Variants in COL23A1 observed in about 807,000 individuals in gnomAD.
The protein encoded by COL23A1 is collagen type XXIII alpha 1 chain.
Under a neutral mutation model 99.3 loss-of-function variants are expected in COL23A1, and 97 were observed. The observed-to-expected ratio is 0.98, with a 90% CI of 0.83 to 1.16. The LOEUF (loss-of-function observed/expected upper bound fraction) is 1.16, where lower values mean the gene tolerates loss of function less well. Ranked by LOEUF, COL23A1 falls within the 50% of genes most tolerant of loss-of-function variation. COL23A1 has a pLI of 0.00. For missense variants in COL23A1, 762 were observed against 757.4 expected, an observed-to-expected ratio of 1.01 and a Z score of -0.07; for synonymous variants, 320 against 308.2, an observed-to-expected ratio of 1.04 and a Z score of -0.40.
intron 3 of COL23A1, among the ~76,000 whole-genome samples, chr5:178,295,654 T>C (rs982791973): frequency 6.6e-6 from 1 of 152,226 alleles, no homozygotes; most frequent in Non-Finnish European, 1.5e-5. Flanking sequence ...TTAACACATA[T>C]GTAAAAGGAT....
chr5:178,354,676 C>A (rs1274142717), intron 2 of COL23A1, among the ~76,000 whole-genome samples: 3 of 152,164 alleles, frequency 2.0e-5, no homozygotes, highest in African/African-American at 7.2e-5. Flanking sequence ...CACCATCCAC[C>A]ATGATTGTAA....
intron 2 of COL23A1, among the ~76,000 whole-genome samples, chr5:178,418,623 C>T (rs147855614): frequency 7.2e-5 from 11 of 152,364 alleles, no homozygotes; most frequent in Non-Finnish European, 1.3e-4. Context: ...AGCCCTTTCA[C>T]CAGCCTCCCA....
rs537792633 is a variant in COL23A1, at chr5:178,358,508, T to C, written c.362-51589A>G. ...ATATGTGTGTGTATGCGTGTATATG[T>C]GTGTATGTGTGTATGTATGTCTAGT... On this transcript the variant is annotated intron_variant, in intron 2 of 28. Transcript: ENST00000390654. Among the ~76,000 whole-genome samples, 172 of 147,126 alleles carry C rather than the reference T, an allele frequency of 1.2e-3. 1 individual carries two copies. Among genetic ancestry groups the C allele is most frequent in the African/African-American group, 4.2e-3 (165 of 39,200 alleles).
chr5:178,405,970 G>A (rs1764742932), intron 2 of COL23A1, among the ~76,000 whole-genome samples: 1 of 152,170 alleles, frequency 6.6e-6, no homozygotes, highest in East Asian at 1.9e-4. Flanking sequence ...AGGCATGGTG[G>A]CATGCAACTG....
chr5:178,519,480 C>T (rs962122166), intron 2 of COL23A1, among the ~76,000 whole-genome samples: 3 of 152,272 alleles, frequency 2.0e-5, no homozygotes, highest in African/African-American at 7.2e-5. Flanking sequence ...CACAATGCCA[C>T]ACAATTCTGA....
chr5:178,527,175 G>A (rs923369154), intron 2 of COL23A1, among the ~76,000 whole-genome samples: 4 of 149,968 alleles, frequency 2.7e-5, no homozygotes, highest in East Asian at 1.9e-4. Context: ...GCAGCAAGGC[G>A]GGGGGCCCTC....
chr5:178,346,741 T>C (rs1020781144), intron 2 of COL23A1, among the ~76,000 whole-genome samples: 1 of 152,186 alleles, frequency 6.6e-6, no homozygotes, highest in African/African-American at 2.4e-5. Context: ...GAAAAGATCA[T>C]GTGTCCCAAG....
intron 2 of COL23A1, among the ~76,000 whole-genome samples, chr5:178,523,179 CACAT>C (rs1562051617): frequency 9.4e-5 from 5 of 53,082 alleles, no homozygotes; most frequent in Non-Finnish European, 2.0e-4. Context: ...TATATATATA[CACAT>C]ATATATATAT....
At chr5:178,394,091 C>A (rs1010112889) in intron 2 of COL23A1, among the ~76,000 whole-genome samples, 2 of 152,144 alleles carry the variant, frequency 1.3e-5, no homozygotes, top group African/African-American at 4.8e-5. Flanking sequence ...GAGCGAAAGA[C>A]CTGGGAGGGC....
intron 2 of COL23A1, among the ~76,000 whole-genome samples, chr5:178,543,325 G>A (rs1271886809): frequency 1.3e-5 from 2 of 152,088 alleles, no homozygotes; most frequent in South Asian, 2.1e-4. Flanking sequence ...CAGGCTGGTC[G>A]TCAACTCCCA....
At chr5:178,584,594 A>G (rs1191123513) in intron 1 of COL23A1, among the ~76,000 whole-genome samples, 1 of 152,160 alleles carries the variant, frequency 6.6e-6, no homozygotes, top group African/African-American at 2.4e-5. Flanking sequence ...GAAAGGTTGA[A>G]GCTAATGGGT....
chr5:178,485,779 C>CAA (rs528117830), intron 2 of COL23A1, among the ~76,000 whole-genome samples: 2,639 of 99,154 alleles, frequency 0.027, 189 homozygotes, highest in African/African-American at 0.086. Context: ...GACTCCATCT[C>CAA]AAAAAAAAAA....
intron 2 of COL23A1, among the ~76,000 whole-genome samples, chr5:178,381,419 G>C (rs1763375293): frequency 6.6e-6 from 1 of 152,232 alleles, no homozygotes; most frequent in African/African-American, 2.4e-5. Context: ...GTGTGTCCAT[G>C]CCAGCAGGAC....
chr5:178,270,311 C>A, intron 6 of COL23A1, 26 bp downstream of exon 6: 4 of 1,613,668 alleles, frequency 2.5e-6, no homozygotes, highest in Non-Finnish European at 3.4e-6. Context: ...CCCAGGACCC[C>A]CTGGAATTGC....
intron 2 of COL23A1, among the ~76,000 whole-genome samples, chr5:178,462,347 G>A (rs183320732): frequency 5.1e-4 from 77 of 152,278 alleles, no homozygotes; most frequent in Non-Finnish European, 9.8e-4. Context: ...TGTCACTGAT[G>A]TAACTTATAG....
Position 178,509,501 on chromosome 5 carries a change from G to A in COL23A1, c.361+51181C>T, listed in dbSNP as rs186083197. 1.6e-3 allele frequency among the ~76,000 whole-genome samples: 250 copies of A among 152,216 alleles called. 1 individual carries two copies. Among genetic ancestry groups the A allele is most frequent in the African/African-American group, 5.3e-3 (220 of 41,524 alleles). On this transcript the variant is annotated intron_variant, in intron 2 of 28. Transcript: ENST00000390654. ...CTCCCAAAGTGCTGGGATTACAGGC[G>A]TGAGCCACCGTGCCCGGCCAGAACC...
intron 13 of COL23A1, among the ~76,000 whole-genome samples, chr5:178,257,138 G>C (rs1263786053): frequency 6.6e-6 from 1 of 152,196 alleles, no homozygotes; most frequent in Non-Finnish European, 1.5e-5. Flanking sequence ...TCTGGTGTGG[G>C]CCTTGGCACT....
Position 178,389,550 on chromosome 5 carries a change from A to G in COL23A1, c.362-82631T>C, listed in dbSNP as rs1284827692. The stretch of plus-strand genomic sequence containing the variant: ...TCATCCCTCCTCACAGAGGGTGCCC[A>G]CTGACACTAATTCAATGAGTTATCT... On this transcript the variant is annotated intron_variant, in intron 2 of 28. Transcript: ENST00000390654. Among the ~76,000 whole-genome samples, 6 of 152,146 alleles carry G rather than the reference A, an allele frequency of 3.9e-5. No homozygotes were observed. In the East Asian group the frequency reaches 7.7e-4, roughly 20 times the overall value.
chr5:178,556,370 C>A (rs190149487), intron 2 of COL23A1, among the ~76,000 whole-genome samples: 2 of 152,164 alleles, frequency 1.3e-5, no homozygotes, highest in Non-Finnish European at 2.9e-5. Flanking sequence ...CGCCTATAAT[C>A]CCAGTACTTT....
Sources: gnomAD v4.1 joint callset for allele counts (sites outside exome capture counted in the v4.1 genomes callset) on GRCh38, gnomAD v4.1.1 for gene constraint, MANE v1.5 for transcripts, NCBI Gene and HGNC (gene_info 2026-07-23, HGNC 2026-07-21) for gene names.